Variants in IGDCC3 observed in about 807,000 individuals in gnomAD.
The protein encoded by IGDCC3 is immunoglobulin superfamily DCC subclass member 3, also known as putative neuronal cell adhesion molecule.
A neutral mutation model predicts 72.0 loss-of-function variants in IGDCC3; 47 were observed. That is an observed-to-expected ratio of 0.65 (90% CI 0.52 to 0.83). The LOEUF is 0.83. IGDCC3 is among the 40% of genes least tolerant of loss of function. IGDCC3 has a pLI of 0.00. For synonymous variants in IGDCC3, 477 were observed against 472.8 expected (o/e 1.01, Z -0.11); for missense variants, 1,038 against 1,091.3 (o/e 0.95, Z 0.69).
intron 2 of IGDCC3, among the ~76,000 whole-genome samples, chr15:65,361,142 C>A (rs974524288): frequency 2.0e-5 from 3 of 152,152 alleles, no homozygotes; most frequent in African/African-American, 7.2e-5. Context: ...TCAGAAATCT[C>A]TGGCCTACCG....
At chr15:65,346,410 T>A (rs904484921) in intron 2 of IGDCC3, among the ~76,000 whole-genome samples, 1 of 151,976 alleles carries the variant, frequency 6.6e-6, no homozygotes, top group Admixed American at 6.6e-5. Context: ...GAGGAAGCAC[T>A]GTGAAATGCT....
At position 65,329,353 on chromosome 15, in the gene IGDCC3, C is replaced by G. The variant is rs1307147888; in HGVS notation, c.2205+37G>C. 2 of 1,562,364 alleles carry G rather than the reference C, an allele frequency of 1.3e-6. No individual in the cohort carries two copies. Among genetic ancestry groups the G allele is most frequent in the East Asian group, 2.2e-5 (1 of 44,476 alleles). ...GGATTGGAAGGTGGCAGTGTCAGAG[C>G]CTGAGGCGGGGGTTTGTTTAAGACA... On this transcript the variant is annotated intron_variant, in intron 13 of 13. Transcript: ENST00000327987. This position sits in a 1 kb window ranked among gnomAD's most constrained non-coding sequence, Gnocchi z 4.1.
In IGDCC3 at chr15:65,334,869, G is replaced by A. The variant is rs772149059; in HGVS notation, c.686-4C>T. The A allele has an allele frequency of 1.9e-6, 3 of 1,609,948 alleles. No homozygotes were observed. The highest frequency in any genetic ancestry group is 1.7e-6 in the Non-Finnish European group (2 of 1,178,262). On this transcript the variant is annotated splice_region_variant and splice_polypyrimidine_tract_variant and intron_variant, in intron 4 of 13. Transcript: ENST00000327987. ...TTGTAGGCCCCAGAGCCCGAGCCTG[G>A]GAGGAAGACGCCACATATCCTCACT...
At position 65,329,087 on chromosome 15, in the gene IGDCC3, C is replaced by T. The variant is rs759591273; in HGVS notation, c.2267G>A (p.Gly756Glu). 6 of 1,611,460 alleles carry T rather than the reference C, an allele frequency of 3.7e-6. No individual in the cohort carries two copies. Among genetic ancestry groups the T allele is most frequent in the Middle Eastern group, 1.7e-4 (1 of 6,050 alleles). The change falls in exon 14 of 14, where the codon GGG becomes GAG. Residue 756 changes from glycine to glutamate, a missense_variant. Physicochemically the swap from Gly to Glu is moderately conservative, Grantham distance 98 (BLOSUM62 -2). Coordinates refer to ENST00000327987, the MANE Select transcript of IGDCC3 (RefSeq NM_004884.4). The surrounding 1 kb of genome is among the most constrained non-coding windows in gnomAD (Gnocchi z 4.1). ...CGTCTTCCCCTCCATCAGGCCGCAC[C>T]CCTGAAGTGGCAGCACGGAGAGCTG... ...ETQLSVLPLQ[G>E]CGLMEGKTTE...
At chr15:65,361,137 A>G (rs372883771) in intron 2 of IGDCC3, among the ~76,000 whole-genome samples, 16 of 152,076 alleles carry the variant, frequency 1.1e-4, no homozygotes, top group African/African-American at 3.6e-4. Flanking sequence ...CCTTGTCAGA[A>G]ATCTCTGGCC....
chr15:65,342,726 G>A (rs960370738), intron 2 of IGDCC3, among the ~76,000 whole-genome samples: 2 of 152,224 alleles, frequency 1.3e-5, no homozygotes, highest in African/African-American at 4.8e-5. Context: ...CTCAGAGACT[G>A]ATGACGAGGC....
chr15:65,333,821 A>G (rs984524873), intron 5 of IGDCC3, among the ~76,000 whole-genome samples: 3 of 152,120 alleles, frequency 2.0e-5, no homozygotes, highest in African/African-American at 7.2e-5. Context: ...TGGGGGGGGA[A>G]CCCGGTTAAC....
chr15:65,335,830 A>T lies in IGDCC3; in HGVS notation c.536T>A (p.Ile179Asn). The T allele has an allele frequency of 1.2e-6, 2 of 1,614,056 alleles. No individual in the cohort carries two copies. The highest frequency in any genetic ancestry group is 1.7e-6 in the Non-Finnish European group (2 of 1,179,980). ...GGCTCACCTCTCATTGTCCGTGTCA[A>T]TTGGGACTCTGTTCTTCTCCCAAGT... ...LITWEKNRVP[I>N]DTDNERYTLL... is the part of the protein sequence containing the mutation. The change falls in exon 3 of 14, where the codon ATT (isoleucine) becomes AAT (asparagine). Residue 179 changes from isoleucine to asparagine, a missense_variant. By Grantham distance (149) the Ile-to-Asn change is moderately radical. Transcript: ENST00000327987.
At chr15:65,330,522 C>T (rs376029985) in intron 10 of IGDCC3, 28 bp downstream of exon 10, 1 of 1,607,864 alleles carries the variant, frequency 6.2e-7, no homozygotes, top group Non-Finnish European at 8.5e-7. Context: ...TGCCAAGCCC[C>T]CTAGGCTCTG....
At chr15:65,335,450 C>A in intron 3 of IGDCC3, 29 bp from the exon 4 acceptor site, 2 of 1,589,162 alleles carry the variant, frequency 1.3e-6, no homozygotes, top group Non-Finnish European at 1.7e-6. Context: ...TAGTTGGCCA[C>A]CAGCACAGCC....
intron 2 of IGDCC3, among the ~76,000 whole-genome samples, chr15:65,365,639 C>T (rs1455042354): frequency 1.3e-5 from 2 of 150,256 alleles, no homozygotes; most frequent in East Asian, 4.0e-4. Flanking sequence ...TCCTTTGTTG[C>T]CCTCTTTGAA....
chr15:65,346,519 C>T (rs370566945), intron 2 of IGDCC3, among the ~76,000 whole-genome samples: 14 of 151,634 alleles, frequency 9.2e-5, no homozygotes, highest in South Asian at 8.3e-4. Context: ...TGCAATGGCG[C>T]GATCTCGGCT....
intron 1 of IGDCC3, among the ~76,000 whole-genome samples, chr15:65,376,179 G>C (rs1157538828): frequency 6.6e-6 from 1 of 152,146 alleles, no homozygotes; most frequent in Non-Finnish European, 1.5e-5. Flanking sequence ...CACCAACTAT[G>C]GTTTCCCAAA....
intron 2 of IGDCC3, among the ~76,000 whole-genome samples, chr15:65,355,273 AGT>A (rs1409759429): frequency 1.3e-5 from 2 of 152,084 alleles, no homozygotes; most frequent in Non-Finnish European, 2.9e-5. Context: ...GGCAGGAGTA[AGT>A]GGGACCATCT....
chr15:65,335,232 G>A, intron 4 of IGDCC3, 59 bp downstream of exon 4: 4 of 1,552,804 alleles, frequency 2.6e-6, no homozygotes, highest in Non-Finnish European at 3.5e-6. Context: ...TGATCTAAGG[G>A]TAGGGAGGAG....
At chr15:65,356,106 G>GA (rs112372851) in intron 2 of IGDCC3, 4,441 of 213,764 alleles carry the variant, frequency 0.021, 64 homozygotes, top group African/African-American at 0.042. Context: ...CTTAATTCAG[G>GA]AAAAACGGGC....
At chr15:65,375,513 C>T (rs1461331159) in intron 1 of IGDCC3, 111 bp from the exon 2 acceptor site, 2 of 775,508 alleles carry the variant, frequency 2.6e-6, no homozygotes, top group Non-Finnish European at 4.1e-6. Flanking sequence ...TGCACCCCAT[C>T]CCCATGTTTC....
At chr15:65,354,291 G>A (rs1343443554) in intron 2 of IGDCC3, among the ~76,000 whole-genome samples, 2 of 152,128 alleles carry the variant, frequency 1.3e-5, no homozygotes, top group Non-Finnish European at 2.9e-5. Context: ...CCTCTCTTGG[G>A]GTCTGGATCA....
intron 2 of IGDCC3, among the ~76,000 whole-genome samples, chr15:65,348,565 C>A (rs2091146257): frequency 3.3e-5 from 5 of 152,090 alleles, no homozygotes; most frequent in Admixed American, 3.3e-4. Context: ...GATGCGGTAC[C>A]CAGGTAAAGA....
Sources: allele counts gnomAD v4.1 joint callset (sites outside exome capture counted in the v4.1 genomes callset), GRCh38; gene constraint gnomAD v4.1.1; non-coding constraint Gnocchi (gnomAD v3.1); transcripts MANE v1.5; gene names NCBI Gene and HGNC (gene_info 2026-07-23, HGNC 2026-07-21).